LMTK2: variants seen among roughly 807,000 people sequenced by gnomAD.
LMTK2 encodes the protein lemur tail kinase 2.
Under a neutral mutation model 127.5 loss-of-function variants are expected in LMTK2, and 37 were observed. The observed-to-expected ratio is 0.29, with a 90% CI of 0.22 to 0.38. The LOEUF (loss-of-function observed/expected upper bound fraction) is 0.38. Ranked by LOEUF, LMTK2 falls within the 10% of genes least tolerant of loss-of-function variation. LMTK2 has a pLI of 1.00. For missense variants in LMTK2, 1,694 were observed against 1,920.3 expected, an observed-to-expected ratio of 0.88 and a Z score of 2.20; for synonymous variants, 819 against 810.1, an observed-to-expected ratio of 1.01 and a Z score of -0.19.
rs1166654553 is a variant in LMTK2 at position 98,171,826 on chromosome 7, G to A, written c.791+152G>A. ...AGCGATCTCGTTCTTACCCATGTCC[G>A]GATAAGGGTTGAGTTGGGCTTCATT... On this transcript the variant is annotated intron_variant, in intron 7 of 13. Transcript: ENST00000297293. The surrounding 1 kb of genome is among the most constrained non-coding windows in gnomAD (Gnocchi z 5.1). The A allele has an allele frequency of 7.2e-6, 6 of 828,658 alleles. No homozygotes were observed. The highest frequency in any genetic ancestry group is 3.5e-5 in the African/African-American group (2 of 57,586). The allele number at this position is 828,658 out of a possible 1,614,324, so 51.3% of individuals were successfully genotyped here.
In LMTK2 at chr7:98,171,789, C is replaced by A; in HGVS notation, c.791+115C>A. The A allele has an allele frequency of 8.4e-7, 1 of 1,194,862 alleles. No individual in the cohort carries two copies. Among genetic ancestry groups the A allele is most frequent in the South Asian group, 1.6e-5 (1 of 61,562 alleles). The allele number at this position is 1,194,862 out of a possible 1,614,324, so 74.0% of individuals were successfully genotyped here. A position where few individuals can be genotyped will look rare whatever the true frequency, so the allele number is the denominator to read the frequency against. ...AGGAGGTGGCAGAATGAACCCAGCTCATGTAGGTAGAAGCGATCTCGTTCT... is the reference window on the plus strand; with the variant it reads ...AGGAGGTGGCAGAATGAACCCAGCTAATGTAGGTAGAAGCGATCTCGTTCT... On this transcript the variant is annotated intron_variant, in intron 7 of 13. Transcript: ENST00000297293. This position sits in a 1 kb window ranked among gnomAD's most constrained non-coding sequence, Gnocchi z 5.1.
intron 7 of LMTK2, among the ~76,000 whole-genome samples, chr7:98,177,530 C>G (rs1029771186): frequency 1.3e-5 from 2 of 152,178 alleles, no homozygotes; most frequent in African/African-American, 4.8e-5. Flanking sequence ...GGGTCTCGCT[C>G]TGTCACCCAG....
At chr7:98,120,575 A>G (rs1489454235) in intron 1 of LMTK2, among the ~76,000 whole-genome samples, 1 of 152,230 alleles carries the variant, frequency 6.6e-6, no homozygotes, top group Non-Finnish European at 1.5e-5. Flanking sequence ...ACTAAATTTA[A>G]GTTTAAAGTA....
intron 1 of LMTK2, among the ~76,000 whole-genome samples, chr7:98,125,912 G>A (rs999793617): frequency 1.3e-5 from 2 of 152,164 alleles, no homozygotes; most frequent in East Asian, 1.9e-4. Context: ...GGGCCCAGCC[G>A]TCTCTCACCG....
At chr7:98,149,194 G>A (rs540802516) in intron 3 of LMTK2, among the ~76,000 whole-genome samples, 51 of 152,306 alleles carry the variant, frequency 3.3e-4, no homozygotes, top group Non-Finnish European at 6.0e-4. Context: ...TAGTTCCTTG[G>A]GAATAAGGTC....
intron 7 of LMTK2, among the ~76,000 whole-genome samples, chr7:98,177,363 A>G (rs1797292706): frequency 2.6e-5 from 4 of 152,244 alleles, no homozygotes; most frequent in South Asian, 2.1e-4. Flanking sequence ...GAAGAAAACT[A>G]TGAAATCTTA....
intron 3 of LMTK2, among the ~76,000 whole-genome samples, chr7:98,151,028 T>C (rs75539844): frequency 6.6e-6 from 1 of 152,160 alleles, no homozygotes; most frequent in Non-Finnish European, 1.5e-5. Context: ...TTTTAAAAAT[T>C]AAGGAGAGTA....
Position 98,172,302 on chromosome 7 carries a change from C to CTT in LMTK2, c.791+647_791+648dup, listed in dbSNP as rs397948033. 1.4e-3 allele frequency among the ~76,000 whole-genome samples: 173 copies of CTT among 127,820 alleles called. 3 individuals carry two copies. Among genetic ancestry groups the CTT allele is most frequent in the African/African-American group, 4.0e-3 (137 of 34,026 alleles). The allele number at this position is 127,820 out of a possible 152,430, so 83.9% of individuals were successfully genotyped here. A position where few individuals can be genotyped will look rare whatever the true frequency, so the allele number is the denominator to read the frequency against. On this transcript the variant is annotated intron_variant, in intron 7 of 13. Transcript: ENST00000297293. The stretch of plus-strand genomic sequence containing the variant: ...AGGCCCCACTTGAATGACCATAGTT[C>CTT]TTTTTTTTTTTTTTTTTTTTGAGAC...
At chr7:98,163,551 GT>G (rs1797045054) in intron 6 of LMTK2, among the ~76,000 whole-genome samples, 1 of 152,184 alleles carries the variant, frequency 6.6e-6, no homozygotes, top group African/African-American at 2.4e-5. Flanking sequence ...AAAGGAACAG[GT>G]TTTCCAGCAG....
At position 98,171,698 on chromosome 7, in the gene LMTK2, A is replaced by C; in HGVS notation, c.791+24A>C. Reference sequence around the variant, plus strand: ...AGGTGGGTACCTGCGTCAGCGGTGCACGCCCCACACAGCACCGGCGGGACA... The same window carrying C: ...AGGTGGGTACCTGCGTCAGCGGTGCCCGCCCCACACAGCACCGGCGGGACA... On this transcript the variant is annotated intron_variant, in intron 7 of 13. Coordinates refer to ENST00000297293, the MANE Select transcript of LMTK2 (RefSeq NM_014916.4). The surrounding 1 kb of genome is among the most constrained non-coding windows in gnomAD (Gnocchi z 5.1). 1 of 1,545,024 alleles carries C rather than the reference A, an allele frequency of 6.5e-7. No individual in the cohort carries two copies. The highest frequency in any genetic ancestry group is 8.7e-7 in the Non-Finnish European group (1 of 1,149,008).
At position 98,194,665 on chromosome 7, in the gene LMTK2, C is replaced by T; in HGVS notation, c.4107+93C>T. Reference sequence around the variant, plus strand: ...TGAGTGTGGTCTGTTTTCTAGTTGCCATTTTGAGGCAGCAGATTGTGATTA... The same window carrying T: ...TGAGTGTGGTCTGTTTTCTAGTTGCTATTTTGAGGCAGCAGATTGTGATTA... On this transcript the variant is annotated intron_variant, in intron 11 of 13. Transcript: ENST00000297293. This position sits in a 1 kb window ranked among gnomAD's most constrained non-coding sequence, Gnocchi z 5.4. The T allele has an allele frequency of 8.6e-7, 1 of 1,156,432 alleles. No individual in the cohort carries two copies. The highest frequency in any genetic ancestry group is 1.2e-6 in the Non-Finnish European group (1 of 839,058). The allele number at this position is 1,156,432 out of a possible 1,614,324, so 71.6% of individuals were successfully genotyped here. A position where few individuals can be genotyped will look rare whatever the true frequency, so the allele number is the denominator to read the frequency against.
chr7:98,116,441 T>A (rs1220996649), intron 1 of LMTK2, among the ~76,000 whole-genome samples: 1 of 151,938 alleles, frequency 6.6e-6, no homozygotes, highest in African/African-American at 2.4e-5. Context: ...TGTGTGTGTT[T>A]GTGTCCGCGT....
Position 98,193,105 on chromosome 7 carries a change from T to TAAC in LMTK2, c.2642_2644dup (p.Asn881dup). 1 of 1,613,622 alleles carries TAAC rather than the reference T, an allele frequency of 6.2e-7. No individual in the cohort carries two copies. The highest frequency in any genetic ancestry group is 8.5e-7 in the Non-Finnish European group (1 of 1,180,004). On this transcript the variant is annotated inframe_insertion, in exon 11 of 14. Transcript: ENST00000297293. The surrounding 1 kb of genome is among the most constrained non-coding windows in gnomAD (Gnocchi z 4.1). ...CTGATGCCAGAACCCACAGCCTGGATAACAGGTCCCAGGACTCTCCTGGCG... is the reference window on the plus strand; with the variant it reads ...CTGATGCCAGAACCCACAGCCTGGATAACAACAGGTCCCAGGACTCTCCTGGCG...
rs1329697846 is a variant in LMTK2, at chr7:98,194,832, A to C, written c.4107+260A>C. 6.6e-6 allele frequency among the ~76,000 whole-genome samples: 1 copy of C among 151,872 alleles called. No homozygotes were observed. The highest frequency in any genetic ancestry group is 1.5e-5 in the Non-Finnish European group (1 of 67,936). On this transcript the variant is annotated intron_variant, in intron 11 of 13. Transcript: ENST00000297293. The surrounding 1 kb of genome is among the most constrained non-coding windows in gnomAD (Gnocchi z 5.4). The stretch of plus-strand genomic sequence containing the variant: ...CTAATGGAGTCTTCCTGAATTAGTC[A>C]CCCTTTACACACCAAATTTTTACTG...
chr7:98,196,885 A>G (rs913734068), intron 11 of LMTK2, among the ~76,000 whole-genome samples: 4 of 152,152 alleles, frequency 2.6e-5, no homozygotes, highest in Non-Finnish European at 5.9e-5. Flanking sequence ...AATGAGGAAG[A>G]TCTTTCTGAT....
chr7:98,171,956 C>T lies in LMTK2; in HGVS notation c.791+282C>T, dbSNP rs901564251. ...CCTCAGAGTTGGGAGTAAACAGTCC[C>T]GATCCACCGTATGACACCTCGCGTG... On this transcript the variant is annotated intron_variant, in intron 7 of 13. Coordinates refer to ENST00000297293, the MANE Select transcript of LMTK2 (RefSeq NM_014916.4). This position sits in a 1 kb window ranked among gnomAD's most constrained non-coding sequence, Gnocchi z 5.1. 6.6e-6 allele frequency among the ~76,000 whole-genome samples: 1 copy of T among 152,192 alleles called. No homozygotes were observed. The highest frequency in any genetic ancestry group is 6.5e-5 in the Admixed American group (1 of 15,282).
At chr7:98,145,293 C>T (rs1419205220) in intron 3 of LMTK2, among the ~76,000 whole-genome samples, 1 of 147,800 alleles carries the variant, frequency 6.8e-6, no homozygotes, top group South Asian at 2.1e-4. Flanking sequence ...AAAAAAAAAT[C>T]AATCACACAT....
chr7:98,122,724 GTGTATATATA>G (rs1161210981), intron 1 of LMTK2, among the ~76,000 whole-genome samples: 11 of 21,942 alleles, frequency 5.0e-4, no homozygotes, highest in Admixed American at 4.3e-3. Flanking sequence ...GTGTGTGTGT[GTGTATATATA>G]TAACTGGATC....
chr7:98,119,630 G>T (rs1255409885), intron 1 of LMTK2, among the ~76,000 whole-genome samples: 1 of 152,184 alleles, frequency 6.6e-6, no homozygotes, highest in African/African-American at 2.4e-5. Context: ...ACAATCAGAT[G>T]CTGGTACCGT....
Sources: allele counts gnomAD v4.1 joint callset (sites outside exome capture counted in the v4.1 genomes callset), GRCh38; gene constraint gnomAD v4.1.1; non-coding constraint Gnocchi (gnomAD v3.1); transcripts MANE v1.5; gene names NCBI Gene and HGNC (gene_info 2026-07-23, HGNC 2026-07-21).